NDST4: variants seen among roughly 807,000 people sequenced by gnomAD.
The protein encoded by NDST4 is N-deacetylase and N-sulfotransferase 4.
Under a neutral mutation model 100.8 loss-of-function variants are expected in NDST4, and 63 were observed. The observed-to-expected ratio is 0.62, with a 90% confidence interval of 0.51 to 0.77. The LOEUF (loss-of-function observed/expected upper bound fraction) is 0.77, where lower values mean the gene tolerates loss of function less well. Among genes scored for constraint, NDST4 ranks in the 30% least tolerant of loss-of-function variants. The pLI is 0.00. For missense variants in NDST4, 943 were observed against 1,018.4 expected, an observed-to-expected ratio of 0.93 and a Z score of 1.01; for synonymous variants, 377 against 361.8, an observed-to-expected ratio of 1.04 and a Z score of -0.48.
chr4:115,055,593 C>T (rs1439187067), intron 2 of NDST4, among the ~76,000 whole-genome samples: 2 of 152,076 alleles, frequency 1.3e-5, no homozygotes, highest in East Asian at 1.9e-4. Flanking sequence ...TTGATCATAT[C>T]GGTTATTGAG....
chr4:114,986,793 CATATATATAT>C (rs59806494), intron 2 of NDST4, among the ~76,000 whole-genome samples: 2,050 of 91,124 alleles, frequency 0.022, 71 homozygotes, highest in Admixed American at 0.026. Flanking sequence ...TCCAATTATA[CATATATATAT>C]ATATATATAT....
intron 2 of NDST4, among the ~76,000 whole-genome samples, chr4:115,058,568 A>G (rs1399446217): frequency 1.3e-5 from 2 of 152,148 alleles, no homozygotes; most frequent in Non-Finnish European, 2.9e-5. Context: ...CTGAATTTTT[A>G]GAATATAGTT....
chr4:115,069,662 G>C (rs1729030362), intron 2 of NDST4, among the ~76,000 whole-genome samples: 1 of 152,154 alleles, frequency 6.6e-6, no homozygotes, highest in East Asian at 1.9e-4. Context: ...TTGGGAGGCT[G>C]AGGAGGGCAG....
chr4:115,088,086 C>T (rs1019286130), intron 1 of NDST4, among the ~76,000 whole-genome samples: 3 of 151,342 alleles, frequency 2.0e-5, no homozygotes, highest in Non-Finnish European at 3.0e-5. Flanking sequence ...TTTCTATTTC[C>T]CCAACTTATA....
chr4:115,109,016 G>A (rs935675806), intron 1 of NDST4, among the ~76,000 whole-genome samples: 3 of 147,616 alleles, frequency 2.0e-5, no homozygotes, highest in African/African-American at 5.0e-5. Context: ...GAAGGAAGAA[G>A]GAAGGAAAGA....
intron 2 of NDST4, among the ~76,000 whole-genome samples, chr4:115,051,003 A>C (rs1214319760): frequency 6.6e-6 from 1 of 152,072 alleles, no homozygotes; most frequent in Non-Finnish European, 1.5e-5. Flanking sequence ...GATTGTATGC[A>C]TTTTAGTCAC....
chr4:115,002,252 G>A (rs892937517), intron 2 of NDST4, among the ~76,000 whole-genome samples: 6 of 152,150 alleles, frequency 3.9e-5, no homozygotes, highest in Admixed American at 2.6e-4. Flanking sequence ...CTAATGACCA[G>A]TGATGATGAG....
chr4:114,965,009 C>T lies in NDST4; in HGVS notation c.1221+5421G>A, dbSNP rs532728967. Among the ~76,000 whole-genome samples the T allele has an allele frequency of 1.6e-3, 249 of 152,170 alleles. 2 individuals are homozygous for T. The highest frequency in any genetic ancestry group is 5.8e-3 in the African/African-American group (239 of 41,552). On this transcript the variant is annotated intron_variant, in intron 4 of 13. Transcript: ENST00000264363. ...AATCTTTCCTGCACATGTGGATCCA[C>T]TCTTGAGTGTAAAGATTTTTTTATT...
At chr4:114,866,766 C>G (rs1341679269) in intron 7 of NDST4, among the ~76,000 whole-genome samples, 2 of 152,012 alleles carry the variant, frequency 1.3e-5, no homozygotes, top group Admixed American at 6.6e-5. Context: ...AATATGAAGA[C>G]AAATTTGTAA....
At chr4:115,100,168 G>C (rs564415767) in intron 1 of NDST4, among the ~76,000 whole-genome samples, 68 of 152,230 alleles carry the variant, frequency 4.5e-4, no homozygotes, top group Admixed American at 4.4e-3. Context: ...AGCAGGGAGA[G>C]AGGGATGAAT....
Position 114,929,117 on chromosome 4 carries a change from T to TCCATCC in NDST4, c.1536+6088_1536+6089insGGATGG, listed in dbSNP as rs1560817145. Among the ~76,000 whole-genome samples, 58 of 111,152 alleles carry TCCATCC rather than the reference T, an allele frequency of 5.2e-4. 1 individual carries two copies. Among genetic ancestry groups the TCCATCC allele is most frequent in the East Asian group, 2.2e-3 (7 of 3,198 alleles). 72.9% of individuals were successfully genotyped at this position (111,152 alleles called of 152,430 possible). ...CCATCCATCCATCCATCCATCCATC[T>TCCATCC]ATCTATCTATCTATCTATCTATCTA... is the stretch of plus-strand genomic sequence containing the variant. On this transcript the variant is annotated intron_variant, in intron 6 of 13. Transcript: ENST00000264363.
chr4:115,075,744 A>G (rs905757796), intron 2 of NDST4, among the ~76,000 whole-genome samples: 4 of 145,742 alleles, frequency 2.7e-5, no homozygotes, highest in South Asian at 2.2e-4. Context: ...AGATCATGCC[A>G]CTGCACTCCA....
intron 4 of NDST4, among the ~76,000 whole-genome samples, chr4:114,959,579 G>T (rs1323081935): frequency 6.6e-6 from 1 of 152,064 alleles, no homozygotes; most frequent in Non-Finnish European, 1.5e-5. Context: ...CCTCCCACCA[G>T]GACCCTCCCA....
intron 6 of NDST4, among the ~76,000 whole-genome samples, chr4:114,889,068 T>G (rs1724539144): frequency 6.6e-6 from 1 of 152,186 alleles, no homozygotes; most frequent in Non-Finnish European, 1.5e-5. Context: ...TTATCATGCT[T>G]TCTCAAATGA....
At chr4:115,058,713 A>T (rs1424594070) in intron 2 of NDST4, among the ~76,000 whole-genome samples, 1 of 152,094 alleles carries the variant, frequency 6.6e-6, no homozygotes, top group Non-Finnish European at 1.5e-5. Context: ...TTTGAAAGTA[A>T]CATTTTCAGA....
chr4:115,003,996 T>C (rs1727357385), intron 2 of NDST4, among the ~76,000 whole-genome samples: 1 of 152,204 alleles, frequency 6.6e-6, no homozygotes, highest in Non-Finnish European at 1.5e-5. Context: ...ACTTGGAGTC[T>C]GTGTACCTCT....
intron 4 of NDST4, among the ~76,000 whole-genome samples, chr4:114,944,691 A>T (rs1274290191): frequency 3.3e-5 from 5 of 152,168 alleles, no homozygotes; most frequent in Non-Finnish European, 7.4e-5. Flanking sequence ...ACACTGCTCC[A>T]ATGGACTGAT....
chr4:114,914,936 A>G (rs1578385728), intron 6 of NDST4, among the ~76,000 whole-genome samples: 1 of 152,110 alleles, frequency 6.6e-6, no homozygotes, highest in South Asian at 2.1e-4. Flanking sequence ...GAGGTGGGGC[A>G]TCTTTTAATA....
intron 4 of NDST4, among the ~76,000 whole-genome samples, chr4:114,953,487 A>G (rs779626173): frequency 3.3e-5 from 5 of 152,150 alleles, no homozygotes; most frequent in Non-Finnish European, 5.9e-5. Context: ...CTAGGAACAT[A>G]GTTTAGGAGC....
Sources: allele counts gnomAD v4.1 joint callset (sites outside exome capture counted in the v4.1 genomes callset), GRCh38; gene constraint gnomAD v4.1.1; transcripts MANE v1.5; gene names NCBI Gene and HGNC (gene_info 2026-07-23, HGNC 2026-07-21).